LRMDA: variants seen among roughly 807,000 people sequenced by gnomAD.
LRMDA encodes leucine rich melanocyte differentiation associated, also known as leucine-rich melanocyte differentiation-associated protein.
In LRMDA, 18 loss-of-function variants were observed where a neutral mutation model predicts 29.8. The ratio of observed to expected loss-of-function variants is 0.60; its 90% CI spans 0.42 to 0.90. LRMDA has a LOEUF of 0.90. LRMDA is among the 40% of genes least tolerant of loss of function. LRMDA has a pLI of 0.00. For missense variants in LRMDA, 273 were observed against 273.9 expected (o/e 1.00, Z 0.02); for synonymous variants, 125 against 109.4 (o/e 1.14, Z -0.89).
rs1171925238 is a variant in LRMDA, at chr10:75,862,267, T to G, written c.132-173741T>G. On this transcript the variant is annotated intron_variant, in intron 2 of 6. Transcript: ENST00000611255. ...AAATGATTTTTCATATCTGAGAAGT[T>G]GGTGTTTTTGGACTTGGGTTCAGGC... 2.0e-5 allele frequency among the ~76,000 whole-genome samples: 3 copies of G among 152,046 alleles called. No homozygotes were observed. In the East Asian group the frequency reaches 5.8e-4, roughly 29 times the overall value.
At chr10:75,979,370 T>C (rs1847127635) in intron 2 of LRMDA, among the ~76,000 whole-genome samples, 1 of 152,224 alleles carries the variant, frequency 6.6e-6, no homozygotes, top group South Asian at 2.1e-4. Flanking sequence ...AATGACTTTA[T>C]TAACAATTAA....
intron 5 of LRMDA, among the ~76,000 whole-genome samples, chr10:76,321,711 G>A (rs753069635): frequency 2.6e-5 from 4 of 152,152 alleles, no homozygotes; most frequent in African/African-American, 9.7e-5. Context: ...TTTGGAGGTC[G>A]AGGCAGGTGG....
intron 5 of LRMDA, among the ~76,000 whole-genome samples, chr10:76,110,411 C>G (rs1399339044): frequency 6.6e-6 from 1 of 152,230 alleles, no homozygotes; most frequent in Non-Finnish European, 1.5e-5. Flanking sequence ...GCAGTCTACT[C>G]TGCTTCCTTG....
chr10:75,655,139 G>A (rs1224898010), intron 2 of LRMDA, among the ~76,000 whole-genome samples: 2 of 152,156 alleles, frequency 1.3e-5, no homozygotes, highest in Admixed American at 6.5e-5. Context: ...ACATTTTAAC[G>A]GGTACATGTA....
At chr10:76,429,564 T>C (rs1290975043) in intron 6 of LRMDA, among the ~76,000 whole-genome samples, 1 of 152,092 alleles carries the variant, frequency 6.6e-6, no homozygotes, top group Non-Finnish European at 1.5e-5. Context: ...GATGACGGGT[T>C]GCGTTTCATT....
rs76042179 is a variant in LRMDA at position 76,188,420 on chromosome 10, A to G, written c.516+129637A>G. On this transcript the variant is annotated intron_variant, in intron 5 of 6. Coordinates refer to ENST00000611255, the MANE Select transcript of LRMDA (RefSeq NM_001305581.2). ...GGTGAGAAAAACACCACCCAAAGACATGAATCTTTATTAGACCCTTCTTGT... is the reference window on the plus strand; with the variant it reads ...GGTGAGAAAAACACCACCCAAAGACGTGAATCTTTATTAGACCCTTCTTGT... 4.6e-3 allele frequency among the ~76,000 whole-genome samples: 706 copies of G among 152,314 alleles called. 5 individuals are homozygous for G. The highest frequency in any genetic ancestry group is 0.016 in the African/African-American group (676 of 41,580).
chr10:75,473,355 G>T (rs1844749520), intron 2 of LRMDA, among the ~76,000 whole-genome samples: 1 of 152,228 alleles, frequency 6.6e-6, no homozygotes, highest in Non-Finnish European at 1.5e-5. Context: ...GTGCTGAAGA[G>T]CTAAAGGAAT....
At chr10:76,156,124 T>C (rs925357833) in intron 5 of LRMDA, among the ~76,000 whole-genome samples, 3 of 152,204 alleles carry the variant, frequency 2.0e-5, no homozygotes, top group African/African-American at 4.8e-5. Flanking sequence ...TGTAAATGGC[T>C]AAACCTGACA....
At chr10:76,555,650 T>G (rs139171739) in intron 6 of LRMDA, among the ~76,000 whole-genome samples, 209 of 152,276 alleles carry the variant, frequency 1.4e-3, no homozygotes, top group African/African-American at 4.7e-3. Context: ...AAGAATAAGG[T>G]TTGAAGTTTT....
chr10:76,111,923 G>A (rs1424206817), intron 5 of LRMDA, among the ~76,000 whole-genome samples: 1 of 152,166 alleles, frequency 6.6e-6, no homozygotes, highest in African/African-American at 2.4e-5. Context: ...AGTCCGGGGA[G>A]CACTTAAAAG....
rs189582475 is a variant in LRMDA, at chr10:76,427,766, G to A, written c.601+103281G>A. 8.0e-3 allele frequency among the ~76,000 whole-genome samples: 1,222 copies of A among 152,242 alleles called. 13 individuals carry two copies. The highest frequency in any genetic ancestry group is 0.028 in the African/African-American group (1,163 of 41,536). On this transcript the variant is annotated intron_variant, in intron 6 of 6. Coordinates refer to ENST00000611255, the MANE Select transcript of LRMDA (RefSeq NM_001305581.2). ...TGTCATAAATAGCTCTTATTATTTT[G>A]AGATAAGTCCCATCAATACCTAATT... is the stretch of plus-strand genomic sequence containing the variant.
intron 2 of LRMDA, among the ~76,000 whole-genome samples, chr10:75,989,988 G>A (rs1847338837): frequency 1.3e-5 from 2 of 152,152 alleles, no homozygotes; most frequent in South Asian, 4.1e-4. Flanking sequence ...GGCCTCCTTA[G>A]GCCTTGGGTA....
intron 2 of LRMDA, among the ~76,000 whole-genome samples, chr10:75,835,245 A>G (rs11001517): frequency 0.035 from 5,353 of 152,168 alleles, 246 homozygotes; most frequent in African/African-American, 0.11. Context: ...TGTGCATTCC[A>G]GTGTCTAGCA....
chr10:75,618,111 G>A (rs1404557826), intron 2 of LRMDA, among the ~76,000 whole-genome samples: 1 of 152,068 alleles, frequency 6.6e-6, no homozygotes, highest in East Asian at 1.9e-4. Flanking sequence ...TTGTATTGCT[G>A]TCTTATGATG....
chr10:75,575,970 T>C (rs1840500726), intron 2 of LRMDA, among the ~76,000 whole-genome samples: 1 of 151,824 alleles, frequency 6.6e-6, no homozygotes, highest in African/African-American at 2.4e-5. Flanking sequence ...ACAGGAGTTT[T>C]TTTTTTTTTT....
chr10:76,434,603 A>G lies in LRMDA; in HGVS notation c.601+110118A>G, dbSNP rs564440158. Among the ~76,000 whole-genome samples the G allele has an allele frequency of 2.0e-5, 3 of 152,294 alleles. No individual in the cohort carries two copies. In the South Asian group the frequency reaches 6.2e-4, roughly 32 times the overall value. On this transcript the variant is annotated intron_variant, in intron 6 of 6. Coordinates refer to ENST00000611255, the MANE Select transcript of LRMDA (RefSeq NM_001305581.2). ...AGTACCTTAGGCCATCCACTCATCC[A>G]TCTGTCCATCCATCCATTCATTCAT...
At chr10:75,523,311 A>G (rs867606368) in intron 2 of LRMDA, among the ~76,000 whole-genome samples, 1 of 152,118 alleles carries the variant, frequency 6.6e-6, no homozygotes, top group Non-Finnish European at 1.5e-5. Flanking sequence ...TCCTTGTTCC[A>G]TGTCATCCCA....
chr10:76,337,354 G>A (rs1191388872), intron 6 of LRMDA, among the ~76,000 whole-genome samples: 2 of 152,206 alleles, frequency 1.3e-5, no homozygotes, highest in East Asian at 3.9e-4. Context: ...GAAAACGACA[G>A]CAGATCAAGG....
chr10:76,459,058 A>G (rs1842486535), intron 6 of LRMDA, among the ~76,000 whole-genome samples: 1 of 152,236 alleles, frequency 6.6e-6, no homozygotes, highest in African/African-American at 2.4e-5. Context: ...TGGTAAATAG[A>G]TTCAGATTTG....
Sources: gnomAD v4.1 joint callset for allele counts (sites outside exome capture counted in the v4.1 genomes callset) on GRCh38, gnomAD v4.1.1 for gene constraint, MANE v1.5 for transcripts, NCBI Gene and HGNC (gene_info 2026-07-23, HGNC 2026-07-21) for gene names.